MAGI3: variants seen among roughly 807,000 people sequenced by gnomAD.
MAGI3 encodes membrane-associated guanylate kinase, WW and PDZ domain-containing protein 3.
In MAGI3, 43 loss-of-function variants were observed where a neutral mutation model predicts 121.8. The observed-to-expected ratio is 0.35, with a 90% CI of 0.28 to 0.46. The LOEUF is 0.46. Ranked by LOEUF, MAGI3 falls within the 20% of genes least tolerant of loss-of-function variation. The pLI is 1.00. For missense variants in MAGI3, 1,547 were observed against 1,797.3 expected (o/e 0.86, Z 2.52); for synonymous variants, 553 against 639.3 (o/e 0.86, Z 2.04).
chr1:113,403,367 C>T lies in MAGI3; in HGVS notation c.316+12018C>T, dbSNP rs6688827. ...GCTGTGACAGCTTCTCCTTGATGCT[C>T]GTGAACTGGTGACTAGATGCTGTTA... On this transcript the variant is annotated intron_variant, in intron 1 of 20. Transcript: ENST00000307546. Among the ~76,000 whole-genome samples the T allele has an allele frequency of 4.3e-3, 658 of 151,952 alleles. 4 individuals are homozygous for T. Among genetic ancestry groups the T allele is most frequent in the Non-Finnish European group, 4.3e-3 (295 of 67,972 alleles).
intron 2 of MAGI3, among the ~76,000 whole-genome samples, chr1:113,566,299 T>G (rs1660431152): frequency 6.6e-6 from 1 of 152,190 alleles, no homozygotes; most frequent in African/African-American, 2.4e-5. Context: ...AATAGCAGCT[T>G]TATTTATTAT....
At chr1:113,521,732 G>A (rs1658210646) in intron 1 of MAGI3, among the ~76,000 whole-genome samples, 1 of 152,110 alleles carries the variant, frequency 6.6e-6, no homozygotes, top group African/African-American at 2.4e-5. Context: ...TTAATGTCCA[G>A]TACTTGTAGT....
At chr1:113,646,391 A>G in intron 11 of MAGI3, 95 bp from the exon 12 acceptor site, 5 of 1,008,828 alleles carry the variant, frequency 5.0e-6, no homozygotes, top group Non-Finnish European at 7.1e-6. Flanking sequence ...ATACAACTAT[A>G]ATCAGTTGAC....
chr1:113,532,672 G>A (rs2101643311), intron 1 of MAGI3, among the ~76,000 whole-genome samples: 1 of 152,164 alleles, frequency 6.6e-6, no homozygotes, highest in South Asian at 2.1e-4. Flanking sequence ...CAACAAAAGT[G>A]TATTTGGTTT....
intron 1 of MAGI3, among the ~76,000 whole-genome samples, chr1:113,437,759 T>TC (rs1350255077): frequency 2.7e-4 from 41 of 150,084 alleles, no homozygotes; most frequent in Non-Finnish European, 4.4e-5. Context: ...TCTTCTTCAT[T>TC]TTTCTTTCTT....
intron 2 of MAGI3, among the ~76,000 whole-genome samples, chr1:113,553,781 C>T (rs1659876853): frequency 6.6e-6 from 1 of 152,214 alleles, no homozygotes; most frequent in Non-Finnish European, 1.5e-5. Flanking sequence ...GAGGCTGAGG[C>T]AGGCGGATCA....
intron 8 of MAGI3, 86 bp from the exon 9 acceptor site, chr1:113,622,720 T>G: frequency 9.0e-7 from 1 of 1,111,142 alleles, no homozygotes. Flanking sequence ...AGAATAACAT[T>G]AAAAAGTCAT....
intron 6 of MAGI3, among the ~76,000 whole-genome samples, chr1:113,607,881 A>T (rs574093466): frequency 1.3e-5 from 2 of 152,242 alleles, no homozygotes; most frequent in African/African-American, 4.8e-5. Flanking sequence ...TTTATTTTTC[A>T]AAGTATTCTC....
chr1:113,614,745 C>A, intron 7 of MAGI3, 87 bp downstream of exon 7: 1 of 868,020 alleles, frequency 1.2e-6, no homozygotes, highest in Non-Finnish European at 1.8e-6. Flanking sequence ...GCACTTTATG[C>A]TTCTGTGATC....
intron 9 of MAGI3, among the ~76,000 whole-genome samples, chr1:113,623,913 G>A (rs1247152349): frequency 6.6e-6 from 1 of 152,044 alleles, no homozygotes; most frequent in Admixed American, 6.5e-5. Flanking sequence ...CATTAGTTCA[G>A]TTGTTTTAAT....
intron 1 of MAGI3, among the ~76,000 whole-genome samples, chr1:113,476,313 T>C (rs571959141): frequency 6.6e-6 from 1 of 152,208 alleles, no homozygotes; most frequent in Non-Finnish European, 1.5e-5. Context: ...ATTGTGATGT[T>C]AGGGTGTCAA....
At chr1:113,668,785 T>C (rs2101015181) in intron 16 of MAGI3, among the ~76,000 whole-genome samples, 1 of 151,238 alleles carries the variant, frequency 6.6e-6, no homozygotes, top group Admixed American at 6.6e-5. Context: ...GGTTTCACCT[T>C]GTTAGCCAGG....
chr1:113,426,976 A>G (rs1315027186), intron 1 of MAGI3, among the ~76,000 whole-genome samples: 2 of 151,930 alleles, frequency 1.3e-5, no homozygotes, highest in Non-Finnish European at 2.9e-5. Context: ...ATATGATCAT[A>G]TATATGTCTC....
At chr1:113,416,834 C>T (rs1291929238) in intron 1 of MAGI3, among the ~76,000 whole-genome samples, 4 of 151,638 alleles carry the variant, frequency 2.6e-5, no homozygotes, top group Non-Finnish European at 5.9e-5. Flanking sequence ...GCTTAGAGTT[C>T]TATTCAAATA....
At chr1:113,463,013 G>A (rs1384891283) in intron 1 of MAGI3, among the ~76,000 whole-genome samples, 1 of 152,046 alleles carries the variant, frequency 6.6e-6, no homozygotes, top group East Asian at 1.9e-4. Context: ...TTAAAAACAA[G>A]TAAGAGTTCT....
rs941081749 is a variant in MAGI3, at chr1:113,416,272, A to G, written c.316+24923A>G. Among the ~76,000 whole-genome samples, 4 of 33,140 alleles carry G rather than the reference A, an allele frequency of 1.2e-4. 1 individual carries two copies. Among genetic ancestry groups the G allele is most frequent in the Admixed American group, 5.6e-4 (2 of 3,582 alleles). The allele number at this position is 33,140 out of a possible 152,430, so 21.7% of individuals were successfully genotyped here. On this transcript the variant is annotated intron_variant, in intron 1 of 20. Transcript: ENST00000307546. ...ATTAATTACACATATTAATTATGTA[A>G]TTAATTACACATATTAATTATGTAA...
Position 113,506,533 on chromosome 1 carries a change from A to G in MAGI3, c.317-42982A>G, listed in dbSNP as rs1657336569. On this transcript the variant is annotated intron_variant, in intron 1 of 20. Transcript: ENST00000307546. Reference sequence around the variant, plus strand: ...TGTAATGATAATGAAAGTTAAGGTAACAAAAACCACTTATTGTTTATCATG... The same window carrying G: ...TGTAATGATAATGAAAGTTAAGGTAGCAAAAACCACTTATTGTTTATCATG... Among the ~76,000 whole-genome samples, 3 of 152,300 alleles carry G rather than the reference A, an allele frequency of 2.0e-5. No individual in the cohort carries two copies. The East Asian group carries it at 5.8e-4, about 29-fold the overall frequency.
chr1:113,480,989 C>A (rs1290240777), intron 1 of MAGI3, among the ~76,000 whole-genome samples: 1 of 152,300 alleles, frequency 6.6e-6, no homozygotes, highest in East Asian at 1.9e-4. Context: ...ACTTGATTCT[C>A]AATATACTAC....
chr1:113,470,306 C>G (rs2101537701), intron 1 of MAGI3, among the ~76,000 whole-genome samples: 1 of 152,072 alleles, frequency 6.6e-6, no homozygotes, highest in South Asian at 2.1e-4. Flanking sequence ...TAAGGTGTTG[C>G]ATGTCTGCAG....
Sources: gnomAD v4.1 joint callset for allele counts (sites outside exome capture counted in the v4.1 genomes callset) on GRCh38, gnomAD v4.1.1 for gene constraint, MANE v1.5 for transcripts, NCBI Gene and HGNC (gene_info 2026-07-23, HGNC 2026-07-21) for gene names.